Variants in RALYL observed in about 807,000 individuals in gnomAD.
RALYL encodes RALY RNA binding protein like, also known as RNA-binding Raly-like protein.
In RALYL, 29 loss-of-function variants were observed where a neutral mutation model predicts 35.1. The ratio of observed to expected loss-of-function variants is 0.83; its 90% CI spans 0.61 to 1.13. The LOEUF is 1.13. RALYL is among the 50% of genes most tolerant of loss of function. RALYL has a pLI of 0.00. For synonymous variants in RALYL, 120 were observed against 127.6 expected, an observed-to-expected ratio of 0.94 and a Z score of 0.40; for missense variants, 359 against 360.4, an observed-to-expected ratio of 1.00 and a Z score of 0.03.
At chr8:84,738,346 C>T (rs150156336) in intron 2 of RALYL, among the ~76,000 whole-genome samples, 58 of 152,052 alleles carry the variant, frequency 3.8e-4, no homozygotes, top group Middle Eastern at 6.8e-3. Context: ...ATGATCTTCA[C>T]CATAATCTTA....
intron 4 of RALYL, among the ~76,000 whole-genome samples, chr8:84,842,243 A>G (rs1833565896): frequency 1.3e-5 from 2 of 152,214 alleles, no homozygotes; most frequent in Non-Finnish European, 2.9e-5. Flanking sequence ...AGAAGAAAAG[A>G]GAGAAGAATC....
chr8:84,391,962 T>C (rs983528449), intron 1 of RALYL, among the ~76,000 whole-genome samples: 3 of 152,052 alleles, frequency 2.0e-5, no homozygotes, highest in East Asian at 1.9e-4. Flanking sequence ...AGAATTTTTA[T>C]TGGATGACTG....
At chr8:84,435,212 G>A (rs970447303) in intron 1 of RALYL, among the ~76,000 whole-genome samples, 3 of 147,278 alleles carry the variant, frequency 2.0e-5, no homozygotes, top group Admixed American at 8.4e-5. Context: ...CTGTACCAGA[G>A]CTTACTAGCC....
chr8:84,400,011 G>A (rs991073696), intron 1 of RALYL, among the ~76,000 whole-genome samples: 1 of 152,164 alleles, frequency 6.6e-6, no homozygotes, highest in African/African-American at 2.4e-5. Flanking sequence ...CAGCTACTTA[G>A]GAGGCTGAGG....
chr8:84,269,844 T>C (rs1174649967), intron 1 of RALYL, among the ~76,000 whole-genome samples: 1 of 152,124 alleles, frequency 6.6e-6, no homozygotes, highest in Admixed American at 6.5e-5. Context: ...TATTTAAAAC[T>C]AATACTATAG....
At chr8:84,295,959 C>G (rs200311679) in intron 1 of RALYL, among the ~76,000 whole-genome samples, 2 of 152,070 alleles carry the variant, frequency 1.3e-5, no homozygotes, top group Non-Finnish European at 2.9e-5. Context: ...TGGGGAAAAG[C>G]TACTGAGTTG....
intron 8 of RALYL, among the ~76,000 whole-genome samples, chr8:84,895,265 T>C (rs575449213): frequency 1.3e-5 from 2 of 151,870 alleles, no homozygotes; most frequent in East Asian, 3.9e-4. Flanking sequence ...TTGGATGGAG[T>C]TAGGGATAAG....
chr8:84,218,211 A>G (rs1279689267), intron 1 of RALYL, among the ~76,000 whole-genome samples: 1 of 152,072 alleles, frequency 6.6e-6, no homozygotes, highest in Non-Finnish European at 1.5e-5. Context: ...AGGTGAAATT[A>G]TGATAGGATT....
chr8:84,631,776 T>C (rs545363360), intron 2 of RALYL, among the ~76,000 whole-genome samples: 120 of 152,010 alleles, frequency 7.9e-4, no homozygotes, highest in Middle Eastern at 3.4e-3. Flanking sequence ...TTGATATAAT[T>C]GATGGCATTA....
At chr8:84,650,505 A>G (rs1321468669) in intron 2 of RALYL, among the ~76,000 whole-genome samples, 1 of 152,146 alleles carries the variant, frequency 6.6e-6, no homozygotes, top group Non-Finnish European at 1.5e-5. Context: ...AGAAATGCAA[A>G]TAAAAACCAC....
intron 1 of RALYL, among the ~76,000 whole-genome samples, chr8:84,380,698 A>G (rs1281299445): frequency 6.6e-6 from 1 of 151,906 alleles, no homozygotes; most frequent in Non-Finnish European, 1.5e-5. Flanking sequence ...TTGAAAGGCT[A>G]CTTAAAATAG....
chr8:84,396,916 A>C (rs1303403982), intron 1 of RALYL, among the ~76,000 whole-genome samples: 1 of 151,832 alleles, frequency 6.6e-6, no homozygotes, highest in African/African-American at 2.4e-5. Context: ...TTATTCATAG[A>C]ATATCCCCCC....
At chr8:84,278,996 G>A (rs574005229) in intron 1 of RALYL, among the ~76,000 whole-genome samples, 1 of 152,280 alleles carries the variant, frequency 6.6e-6, no homozygotes, top group South Asian at 2.1e-4. Flanking sequence ...TCCTCAGGCT[G>A]TTAATAAAGA....
intron 2 of RALYL, among the ~76,000 whole-genome samples, chr8:84,737,690 T>C (rs748597586): frequency 9.2e-5 from 14 of 151,894 alleles, no homozygotes; most frequent in Admixed American, 2.0e-4. Flanking sequence ...TCATCAGCAA[T>C]GTGGTGGTGT....
At chr8:84,338,655 T>C (rs998615024) in intron 1 of RALYL, among the ~76,000 whole-genome samples, 2 of 152,056 alleles carry the variant, frequency 1.3e-5, no homozygotes, top group Non-Finnish European at 2.9e-5. Context: ...TGCTAGACTT[T>C]CAAATCAAAC....
At chr8:84,555,266 A>G (rs1252769921) in intron 2 of RALYL, among the ~76,000 whole-genome samples, 1 of 151,354 alleles carries the variant, frequency 6.6e-6, no homozygotes, top group East Asian at 1.9e-4. Context: ...CAACAGAGTG[A>G]GACTCCATCT....
In RALYL at chr8:84,426,634, C is replaced by T. The variant is rs555697977; in HGVS notation, c.-23-102665C>T. ...ACTCAATTGTGGAAAAACAAATAAA[C>T]TGATTTAAAAATGGGCAAAAGACCT... On this transcript the variant is annotated intron_variant, in intron 1 of 8. Transcript: ENST00000521268. 2.0e-5 allele frequency among the ~76,000 whole-genome samples: 3 copies of T among 152,194 alleles called. No individual in the cohort carries two copies. The South Asian group carries it at 6.2e-4, about 32-fold the overall frequency.
At chr8:84,800,022 C>T (rs1822877755) in intron 3 of RALYL, among the ~76,000 whole-genome samples, 1 of 152,078 alleles carries the variant, frequency 6.6e-6, no homozygotes, top group Admixed American at 6.6e-5. Flanking sequence ...GATATGTTAG[C>T]TTAGAGGCAT....
At chr8:84,580,072 A>G (rs1318637812) in intron 2 of RALYL, among the ~76,000 whole-genome samples, 1 of 152,188 alleles carries the variant, frequency 6.6e-6, no homozygotes. Flanking sequence ...AAACACTTGT[A>G]TTTTATACTT....
Sources: allele counts gnomAD v4.1 joint callset (sites outside exome capture counted in the v4.1 genomes callset), GRCh38; gene constraint gnomAD v4.1.1; transcripts MANE v1.5; gene names NCBI Gene and HGNC (gene_info 2026-07-23, HGNC 2026-07-21).